The following OPCML variants were observed in gnomAD, a reference collection of about 807,000 sequenced individuals.
The protein encoded by OPCML is opioid-binding protein/cell adhesion molecule.
In OPCML, 13 loss-of-function variants were observed where a neutral mutation model predicts 37.8. The ratio of observed to expected loss-of-function variants is 0.34; its 90% CI spans 0.22 to 0.55. OPCML has a LOEUF of 0.55. Among genes scored for constraint, OPCML ranks in the 20% least tolerant of loss-of-function variants. OPCML has a pLI of 0.91. For synonymous variants in OPCML, 176 were observed against 168.8 expected, an observed-to-expected ratio of 1.04 and a Z score of -0.33; for missense variants, 341 against 435.6, an observed-to-expected ratio of 0.78 and a Z score of 1.93.
At chr11:133,304,216 G>C (rs1257133436) in intron 1 of OPCML, among the ~76,000 whole-genome samples, 3 of 152,114 alleles carry the variant, frequency 2.0e-5, no homozygotes, top group Admixed American at 6.6e-5. Context: ...ACGTCTGCTG[G>C]GACATGAAGC....
At chr11:132,831,219 A>C (rs1472393394) in intron 2 of OPCML, among the ~76,000 whole-genome samples, 1 of 152,258 alleles carries the variant, frequency 6.6e-6, no homozygotes, top group African/African-American at 2.4e-5. Context: ...TTTCAAAAGC[A>C]TAAGGTTAAT....
intron 1 of OPCML, among the ~76,000 whole-genome samples, chr11:133,070,620 T>C (rs1948516972): frequency 6.6e-6 from 1 of 152,236 alleles, no homozygotes; most frequent in Non-Finnish European, 1.5e-5. Context: ...AAGGTGCAAC[T>C]GAAACTATTT....
intron 1 of OPCML, among the ~76,000 whole-genome samples, chr11:133,109,499 GTTTTACAGAGCACTGATTGGTGCA>G (rs1350696765): frequency 6.6e-6 from 1 of 150,730 alleles, no homozygotes; most frequent in Non-Finnish European, 1.5e-5. Context: ...TGACTGGTGC[GTTTTACAGAGCACTGATTGGTGCA>G]TTTTACAATC....
At chr11:133,472,145 G>T (rs1022796800) in intron 1 of OPCML, among the ~76,000 whole-genome samples, 3 of 152,110 alleles carry the variant, frequency 2.0e-5, no homozygotes, top group Non-Finnish European at 4.4e-5. Flanking sequence ...TTTCAGAGAT[G>T]AAGCTCTTTT....
chr11:132,803,723 G>C (rs903561725), intron 2 of OPCML, among the ~76,000 whole-genome samples: 6 of 152,140 alleles, frequency 3.9e-5, no homozygotes, highest in African/African-American at 1.2e-4. Context: ...TAAGGTATAG[G>C]AGCTAAAACT....
At chr11:132,790,630 T>A (rs547310095) in intron 2 of OPCML, among the ~76,000 whole-genome samples, 2 of 152,344 alleles carry the variant, frequency 1.3e-5, no homozygotes, top group East Asian at 1.9e-4. Flanking sequence ...CTCTCAGCCA[T>A]GCAGCACAGC....
intron 1 of OPCML, among the ~76,000 whole-genome samples, chr11:133,498,658 G>A (rs1045316966): frequency 2.0e-5 from 3 of 152,224 alleles, no homozygotes; most frequent in Non-Finnish European, 2.9e-5. Context: ...TAGGCACATA[G>A]ATGCAGGCCT....
intron 1 of OPCML, among the ~76,000 whole-genome samples, chr11:133,494,231 G>A (rs1334478759): frequency 6.6e-6 from 1 of 152,116 alleles, no homozygotes; most frequent in African/African-American, 2.4e-5. Context: ...ACAGGTGCTG[G>A]ACAGGATGTG....
Position 133,011,403 on chromosome 11 carries a change from C to A in OPCML, c.62-68393G>T, listed in dbSNP as rs138018537. Among the ~76,000 whole-genome samples, 1,038 of 152,250 alleles carry A rather than the reference C, an allele frequency of 6.8e-3. 13 individuals are homozygous for A. Among genetic ancestry groups the A allele is most frequent in the African/African-American group, 0.024 (986 of 41,542 alleles). Reference sequence around the variant, plus strand: ...TTGAGGCTGCAACCTTGAATAATACCCACGGGGAACCCTCTGGTGTAGATT... The same window carrying A: ...TTGAGGCTGCAACCTTGAATAATACACACGGGGAACCCTCTGGTGTAGATT... On this transcript the variant is annotated intron_variant, in intron 1 of 7. Coordinates refer to ENST00000524381, the MANE Select transcript of OPCML (RefSeq NM_001012393.5).
chr11:132,648,581 G>A (rs1591669840), intron 3 of OPCML, among the ~76,000 whole-genome samples: 1 of 150,528 alleles, frequency 6.6e-6, no homozygotes, highest in Admixed American at 6.6e-5. Context: ...GTGCAGGGGT[G>A]TGATCTTGGC....
chr11:132,584,128 C>T (rs578099731), intron 3 of OPCML, among the ~76,000 whole-genome samples: 12 of 151,840 alleles, frequency 7.9e-5, no homozygotes, highest in African/African-American at 2.4e-4. Flanking sequence ...TAAAAAATTA[C>T]GGGAATTTGT....
At chr11:132,740,409 G>A (rs1945400866) in intron 2 of OPCML, among the ~76,000 whole-genome samples, 1 of 152,122 alleles carries the variant, frequency 6.6e-6, no homozygotes, top group Non-Finnish European at 1.5e-5. Flanking sequence ...CAATGAATGG[G>A]TTTTGTATTA....
intron 1 of OPCML, among the ~76,000 whole-genome samples, chr11:133,325,689 C>T (rs1943433959): frequency 6.6e-6 from 1 of 152,120 alleles, no homozygotes; most frequent in Admixed American, 6.5e-5. Flanking sequence ...GATCAAGTTA[C>T]TCTAGGCAGG....
At chr11:132,498,404 T>G (rs998000750) in intron 4 of OPCML, among the ~76,000 whole-genome samples, 28 of 152,236 alleles carry the variant, frequency 1.8e-4, no homozygotes, top group African/African-American at 6.8e-4. Context: ...ACTCTGACTA[T>G]GCATTCATTA....
At chr11:132,702,248 T>C (rs1465911996) in intron 2 of OPCML, among the ~76,000 whole-genome samples, 2 of 152,238 alleles carry the variant, frequency 1.3e-5, no homozygotes, top group Non-Finnish European at 2.9e-5. Context: ...AAGGCAGGTC[T>C]AGTGGTGATG....
chr11:133,313,774 A>T (rs182172785), intron 1 of OPCML, among the ~76,000 whole-genome samples: 9 of 152,324 alleles, frequency 5.9e-5, no homozygotes, highest in African/African-American at 1.9e-4. Context: ...ATTTTAGCCC[A>T]TGGAGACCCG....
chr11:132,687,373 T>C (rs1417038554), intron 2 of OPCML, among the ~76,000 whole-genome samples: 4 of 1,420 alleles, frequency 2.8e-3, no homozygotes, highest in South Asian at 0.042. Flanking sequence ...AAGCTACATA[T>C]ATATATATAT....
intron 2 of OPCML, among the ~76,000 whole-genome samples, chr11:132,707,354 T>A (rs1944076177): frequency 6.6e-6 from 1 of 152,124 alleles, no homozygotes. Flanking sequence ...CAGGAGTAAA[T>A]GATATTATTG....
At chr11:133,125,061 G>A (rs1037721840) in intron 1 of OPCML, among the ~76,000 whole-genome samples, 5 of 152,088 alleles carry the variant, frequency 3.3e-5, no homozygotes, top group Non-Finnish European at 5.9e-5. Context: ...CCAGGCAACC[G>A]TTTGGAATGG....
Sources: gnomAD v4.1 joint callset for allele counts (sites outside exome capture counted in the v4.1 genomes callset) on GRCh38, gnomAD v4.1.1 for gene constraint, MANE v1.5 for transcripts, NCBI Gene and HGNC (gene_info 2026-07-23, HGNC 2026-07-21) for gene names.